Variants in EDIL3 observed in about 807,000 individuals in gnomAD.
EDIL3 encodes the protein EGF like and discoidin domains 3.
Under a neutral mutation model 67.4 loss-of-function variants are expected in EDIL3, and 37 were observed. That is an observed-to-expected ratio of 0.55 (90% CI 0.42 to 0.72). The LOEUF (loss-of-function observed/expected upper bound fraction) is 0.72, where lower values mean the gene tolerates loss of function less well. Among genes scored for constraint, EDIL3 ranks in the 30% least tolerant of loss-of-function variants. The pLI is 0.00. For missense variants in EDIL3, 527 were observed against 586.3 expected (o/e 0.90, Z 1.04); for synonymous variants, 195 against 196.3 (o/e 0.99, Z 0.05).
intron 10 of EDIL3, among the ~76,000 whole-genome samples, chr5:83,956,198 C>T (rs1744511224): frequency 1.3e-5 from 2 of 151,802 alleles, no homozygotes; most frequent in Admixed American, 1.3e-4. Context: ...CTGTTGTCCC[C>T]TTCCTTTCCT....
intron 3 of EDIL3, among the ~76,000 whole-genome samples, chr5:84,224,013 C>A (rs1462106868): frequency 6.6e-6 from 1 of 151,010 alleles, no homozygotes; most frequent in African/African-American, 2.4e-5. Flanking sequence ...AAACTCAGTT[C>A]CACTTGTAGT....
chr5:84,354,519 T>C (rs370107742), intron 1 of EDIL3, among the ~76,000 whole-genome samples: 1 of 151,840 alleles, frequency 6.6e-6, no homozygotes, highest in Non-Finnish European at 1.5e-5. Flanking sequence ...TAGCCGGGTA[T>C]GGTGGTGCAT....
chr5:84,018,628 T>C (rs1323623641), intron 9 of EDIL3, among the ~76,000 whole-genome samples: 5 of 152,174 alleles, frequency 3.3e-5, no homozygotes, highest in South Asian at 2.1e-4. Flanking sequence ...GAGCAATCAA[T>C]TAGGAAAGCT....
intron 1 of EDIL3, among the ~76,000 whole-genome samples, chr5:84,311,175 A>T (rs992629172): frequency 6.6e-6 from 1 of 151,994 alleles, no homozygotes; most frequent in Non-Finnish European, 1.5e-5. Context: ...TTTTATAAGC[A>T]ACTTATTTTT....
intron 4 of EDIL3, among the ~76,000 whole-genome samples, chr5:84,157,074 CAT>C (rs1200458412): frequency 6.6e-6 from 1 of 151,952 alleles, no homozygotes; most frequent in Non-Finnish European, 1.5e-5. Context: ...TAGAAAAAAA[CAT>C]AGCAGATCAA....
chr5:84,158,090 G>T (rs1341724932), intron 4 of EDIL3, among the ~76,000 whole-genome samples: 2 of 152,014 alleles, frequency 1.3e-5, no homozygotes, highest in Non-Finnish European at 1.5e-5. Flanking sequence ...TATGAGGAAA[G>T]ATTCTTTAAA....
intron 10 of EDIL3, among the ~76,000 whole-genome samples, chr5:83,949,550 T>C (rs1479100722): frequency 6.6e-6 from 1 of 151,884 alleles, no homozygotes; most frequent in South Asian, 2.1e-4. Context: ...TCTTGTCTTC[T>C]TTGCAAGAAA....
At chr5:84,050,645 A>G (rs956197088) in intron 9 of EDIL3, among the ~76,000 whole-genome samples, 4 of 152,188 alleles carry the variant, frequency 2.6e-5, no homozygotes, top group Non-Finnish European at 4.4e-5. Context: ...GGTCTTAGCA[A>G]ACGGCACACC....
chr5:84,054,773 A>C (rs1386091984), intron 9 of EDIL3, among the ~76,000 whole-genome samples: 1 of 151,688 alleles, frequency 6.6e-6, no homozygotes, highest in East Asian at 1.9e-4. Context: ...GACCTCTTCA[A>C]GGAGAACTAC....
At chr5:84,204,926 T>A (rs569504370) in intron 3 of EDIL3, among the ~76,000 whole-genome samples, 16 of 152,246 alleles carry the variant, frequency 1.1e-4, no homozygotes, top group African/African-American at 3.9e-4. Flanking sequence ...TTTGTGTGTG[T>A]TTCTGAGACA....
intron 1 of EDIL3, among the ~76,000 whole-genome samples, chr5:84,288,035 C>T (rs1053714172): frequency 6.6e-6 from 1 of 152,166 alleles, no homozygotes; most frequent in African/African-American, 2.4e-5. Flanking sequence ...TACTCACGAA[C>T]TCACTTGGAT....
At chr5:84,143,463 G>A (rs1178733200) in intron 4 of EDIL3, among the ~76,000 whole-genome samples, 1 of 151,986 alleles carries the variant, frequency 6.6e-6, no homozygotes, top group South Asian at 2.1e-4. Flanking sequence ...ATCTAATAAA[G>A]ATCATATTCT....
chr5:84,215,368 C>T (rs1421630068), intron 3 of EDIL3, among the ~76,000 whole-genome samples: 1 of 151,882 alleles, frequency 6.6e-6, no homozygotes, highest in Non-Finnish European at 1.5e-5. Context: ...ATTCTCCTGC[C>T]TCAGCCTCCC....
chr5:84,332,693 A>C (rs901736897), intron 1 of EDIL3, among the ~76,000 whole-genome samples: 1 of 152,172 alleles, frequency 6.6e-6, no homozygotes, highest in Non-Finnish European at 1.5e-5. Flanking sequence ...TCCTGCTGAC[A>C]TTATGGTTGT....
chr5:84,371,221 C>T (rs940982695), intron 1 of EDIL3, among the ~76,000 whole-genome samples: 1 of 149,296 alleles, frequency 6.7e-6, no homozygotes, highest in Non-Finnish European at 1.5e-5. Flanking sequence ...GATAAGATGA[C>T]CAGAGAGAGA....
intron 9 of EDIL3, among the ~76,000 whole-genome samples, chr5:83,978,918 A>G (rs1480101588): frequency 1.3e-5 from 2 of 152,152 alleles, no homozygotes; most frequent in Non-Finnish European, 2.9e-5. Context: ...GTAGAAAGTA[A>G]TTTTTAAGCA....
At chr5:83,994,256 T>C (rs1745199510) in intron 9 of EDIL3, among the ~76,000 whole-genome samples, 1 of 152,178 alleles carries the variant, frequency 6.6e-6, no homozygotes, top group Non-Finnish European at 1.5e-5. Flanking sequence ...TTACTATATG[T>C]TATTCCTCTA....
chr5:84,063,094 T>G (rs1437063615), intron 8 of EDIL3, among the ~76,000 whole-genome samples: 5 of 152,154 alleles, frequency 3.3e-5, no homozygotes, highest in Non-Finnish European at 5.9e-5. Flanking sequence ...AGGTGCAATG[T>G]CTTGTCAAAC....
intron 9 of EDIL3, among the ~76,000 whole-genome samples, chr5:84,015,111 T>C (rs1004460647): frequency 1.3e-5 from 2 of 152,200 alleles, no homozygotes; most frequent in African/African-American, 4.8e-5. Context: ...AATTTAAGTA[T>C]GTGGTCCACT....
Sources: gnomAD v4.1 joint callset for allele counts (sites outside exome capture counted in the v4.1 genomes callset) on GRCh38, gnomAD v4.1.1 for gene constraint, MANE v1.5 for transcripts, NCBI Gene and HGNC (gene_info 2026-07-23, HGNC 2026-07-21) for gene names.